CELF2: variants seen among roughly 807,000 people sequenced by gnomAD.
CELF2 encodes the protein CUG triplet repeat RNA-binding protein 2.
Under a neutral mutation model 62.6 loss-of-function variants are expected in CELF2, and 8 were observed. The ratio of observed to expected loss-of-function variants is 0.13; its 90% CI spans 0.07 to 0.23. CELF2 has a LOEUF of 0.23. CELF2 is among the 10% of genes least tolerant of loss of function. CELF2 has a pLI of 1.00. For synonymous variants in CELF2, 258 were observed against 250.0 expected, an observed-to-expected ratio of 1.03 and a Z score of -0.30; for missense variants, 333 against 671.0, an observed-to-expected ratio of 0.50 and a Z score of 5.56.
chr10:10,499,735 G>A, the CELF2 span, among the ~76,000 whole-genome samples: 16 of 152,110 alleles, frequency 1.1e-4, no homozygotes, highest in African/African-American at 3.4e-4. Flanking sequence ...AAAATTAGCC[G>A]GGCGTGGTGG....
intron 1 of CELF2, among the ~76,000 whole-genome samples, chr10:11,129,014 T>A (rs981039677): frequency 1.3e-5 from 2 of 152,202 alleles, no homozygotes; most frequent in African/African-American, 4.8e-5. Context: ...GGCTGTGGGT[T>A]TGTCATAAAT....
At chr10:10,495,835 GACTGTACGCATTTTC>G in the CELF2 span, among the ~76,000 whole-genome samples, 1 of 152,126 alleles carries the variant, frequency 6.6e-6, no homozygotes, top group Admixed American at 6.5e-5. Flanking sequence ...ACTCTCTGAG[GACTGTACGCATTTTC>G]ACCCTATATC....
the CELF2 span, among the ~76,000 whole-genome samples, chr10:10,506,600 T>C: frequency 1.3e-5 from 2 of 149,698 alleles, no homozygotes; most frequent in Non-Finnish European, 3.0e-5. Flanking sequence ...GCAGGAGTTA[T>C]AATCCTGGAC....
the CELF2 span, among the ~76,000 whole-genome samples, chr10:10,777,064 T>C: frequency 2.6e-4 from 40 of 152,196 alleles, no homozygotes; most frequent in Non-Finnish European, 5.1e-4. Context: ...GCCTCCCGAT[T>C]GTGGCATCTC....
At chr10:11,077,214 G>C (rs1212712240) in intron 1 of CELF2, among the ~76,000 whole-genome samples, 1 of 152,208 alleles carries the variant, frequency 6.6e-6, no homozygotes, top group Non-Finnish European at 1.5e-5. Flanking sequence ...GGGGTTGTAA[G>C]AACCAAGTGT....
At chr10:10,725,211 A>C in the CELF2 span, among the ~76,000 whole-genome samples, 1 of 152,222 alleles carries the variant, frequency 6.6e-6, no homozygotes. Flanking sequence ...ACAAGTTGAA[A>C]AGTGACTCTA....
At chr10:11,054,162 G>A (rs2064617502) in intron 1 of CELF2, among the ~76,000 whole-genome samples, 1 of 152,190 alleles carries the variant, frequency 6.6e-6, no homozygotes, top group Non-Finnish European at 1.5e-5. Context: ...TGGCATATAG[G>A]AAGTGCAGAA....
the CELF2 span, among the ~76,000 whole-genome samples, chr10:10,645,568 C>G: frequency 6.6e-6 from 1 of 152,198 alleles, no homozygotes; most frequent in Non-Finnish European, 1.5e-5. Context: ...GCAGGAAAAT[C>G]ACTTGAGCCC....
At position 11,191,270 on chromosome 10, in the gene CELF2, G is replaced by A. The variant is rs539449550; in HGVS notation, c.271+25588G>A. The stretch of plus-strand genomic sequence containing the variant: ...TGGTTCTCTCTAGCTATGGGGCTTG[G>A]AGAGTAAATGGGCAGGAGTGGGAGT... On this transcript the variant is annotated intron_variant, in intron 2 of 12. Transcript: ENST00000633077. The surrounding 1 kb of genome is among the most constrained non-coding windows in gnomAD (Gnocchi z 4.1). Among the ~76,000 whole-genome samples the A allele has an allele frequency of 1.4e-4, 21 of 152,166 alleles. No individual in the cohort carries two copies. Among genetic ancestry groups the A allele is most frequent in the Admixed American group, 6.5e-4 (10 of 15,278 alleles).
chr10:11,161,444 TG>T (rs2065711209), intron 1 of CELF2, among the ~76,000 whole-genome samples: 2 of 152,252 alleles, frequency 1.3e-5, no homozygotes, highest in Non-Finnish European at 2.9e-5. Context: ...ACCCAACTCA[TG>T]GAACGTGAAG....
At chr10:11,320,472 T>C (rs1040260546) in intron 10 of CELF2, among the ~76,000 whole-genome samples, 6 of 152,222 alleles carry the variant, frequency 3.9e-5, no homozygotes, top group African/African-American at 1.4e-4. Flanking sequence ...ACTGCACCAC[T>C]TTGATACCGA....
intron 2 of CELF2, among the ~76,000 whole-genome samples, chr10:10,975,858 C>T (rs1432112393): frequency 1.3e-5 from 2 of 152,214 alleles, no homozygotes; most frequent in Admixed American, 1.3e-4. Context: ...TTGCAGAGCA[C>T]AGCTGACTCA....
the CELF2 span, among the ~76,000 whole-genome samples, chr10:10,506,670 A>ATTTTTTTTTTTTTTTTTTTTTTTTT: frequency 6.2e-5 from 4 of 64,556 alleles, 1 homozygote; most frequent in Admixed American, 5.6e-4. Context: ...CCTCCTGTGA[A>ATTTTTTTTTTTTTTTTTTTTTTTTT]TTTTTTTTTT....
At chr10:10,750,863 T>G in the CELF2 span, among the ~76,000 whole-genome samples, 9 of 152,340 alleles carry the variant, frequency 5.9e-5, no homozygotes. Context: ...GAAATTTGGT[T>G]GCCATGGGTG....
At chr10:10,719,319 C>T in the CELF2 span, among the ~76,000 whole-genome samples, 9 of 152,136 alleles carry the variant, frequency 5.9e-5, no homozygotes, top group Non-Finnish European at 1.0e-4. Context: ...AGTATAGTGG[C>T]GCAATCATAG....
At chr10:10,656,930 A>G in the CELF2 span, among the ~76,000 whole-genome samples, 6 of 151,860 alleles carry the variant, frequency 4.0e-5, no homozygotes, top group East Asian at 3.8e-4. Context: ...AAAAAAAAAA[A>G]AAAAGAAAAC....
chr10:10,787,791 C>A, the CELF2 span, among the ~76,000 whole-genome samples: 367 of 152,148 alleles, frequency 2.4e-3, 2 homozygotes, highest in Non-Finnish European at 4.6e-3. Context: ...TCTATATTCC[C>A]CTTTCTTTTT....
Position 11,041,896 on chromosome 10 carries a change from T to C in CELF2, c.74+23733T>C, listed in dbSNP as rs2061907886. Among the ~76,000 whole-genome samples, 4 of 152,350 alleles carry C rather than the reference T, an allele frequency of 2.6e-5. No individual in the cohort carries two copies. In the South Asian group the frequency reaches 6.2e-4, roughly 24 times the overall value. ...ATTATTGGGATTTTCATATATTTGG[T>C]GCATACTTCTTTCTAGATTACTGTG... On this transcript the variant is annotated intron_variant, in intron 1 of 12. Transcript: ENST00000633077.
At chr10:10,732,831 C>CT in the CELF2 span, among the ~76,000 whole-genome samples, 2 of 152,142 alleles carry the variant, frequency 1.3e-5, no homozygotes, top group African/African-American at 4.8e-5. Flanking sequence ...GCCTCCAATT[C>CT]TTTTTTGTGG....
Sources: allele counts gnomAD v4.1 joint callset (sites outside exome capture counted in the v4.1 genomes callset), GRCh38; gene constraint gnomAD v4.1.1; non-coding constraint Gnocchi (gnomAD v3.1); transcripts MANE v1.5; gene names NCBI Gene and HGNC (gene_info 2026-07-23, HGNC 2026-07-21).